The following SLC45A2 variants were observed in gnomAD, a reference collection of about 807,000 sequenced individuals.
The protein encoded by SLC45A2 is solute carrier family 45 member 2.
SLC45A2 carries 36 observed loss-of-function variants against 45.5 expected under a neutral mutation model. The ratio of observed to expected loss-of-function variants is 0.79; its 90% CI spans 0.61 to 1.04. The LOEUF is 1.04. Among genes scored for constraint, SLC45A2 ranks in the 50% least tolerant of loss-of-function variants. The probability of loss-of-function intolerance (pLI) is 0.00; values close to 1 mark genes in which losing one functional copy is unlikely to be tolerated. For missense variants in SLC45A2, 719 were observed against 671.0 expected, an observed-to-expected ratio of 1.07 and a Z score of -0.79; for synonymous variants, 306 against 269.3, an observed-to-expected ratio of 1.14 and a Z score of -1.33.
intron 5 of SLC45A2, among the ~76,000 whole-genome samples, chr5:33,948,701 A>G (rs1242350252): frequency 6.6e-6 from 1 of 152,238 alleles, no homozygotes; most frequent in African/African-American, 2.4e-5. Flanking sequence ...AAGCTAGAAC[A>G]GTTTCTGCTT....
chr5:33,970,398 G>A (rs1333999609), intron 2 of SLC45A2, among the ~76,000 whole-genome samples: 2 of 152,256 alleles, frequency 1.3e-5, no homozygotes, highest in African/African-American at 2.4e-5. Flanking sequence ...AGCCAGCTCT[G>A]TAATGCTTAT....
chr5:33,978,217 G>C (rs906104880), intron 2 of SLC45A2, among the ~76,000 whole-genome samples: 1 of 152,118 alleles, frequency 6.6e-6, no homozygotes, highest in African/African-American at 2.4e-5. Flanking sequence ...GAGATCTTAA[G>C]ACTGCCATAC....
At chr5:33,976,893 A>C (rs1752942631) in intron 2 of SLC45A2, among the ~76,000 whole-genome samples, 1 of 152,182 alleles carries the variant, frequency 6.6e-6, no homozygotes, top group Non-Finnish European at 1.5e-5. Context: ...CAGGAGCTGG[A>C]CTCAGCGGCA....
chr5:33,983,666 T>C (rs920403848), intron 1 of SLC45A2, among the ~76,000 whole-genome samples: 2 of 152,248 alleles, frequency 1.3e-5, no homozygotes, highest in Non-Finnish European at 2.9e-5. Flanking sequence ...AAAAAATGCC[T>C]ACCCTCAGGT....
rs1162827176 is a variant in SLC45A2, at chr5:33,970,594, G to GGTTT, written c.563-6582_563-6579dup. Reference sequence around the variant, plus strand: ...TGGTTGGTTGGTTGGTTGGTTGGTTGGTTTTACCCCTAGTCTACCACTAAC... The same window carrying GGTTT: ...TGGTTGGTTGGTTGGTTGGTTGGTTGGTTTGTTTTACCCCTAGTCTACCACTAAC... On this transcript the variant is annotated intron_variant, in intron 2 of 6. Transcript: ENST00000296589. 3.0e-3 allele frequency among the ~76,000 whole-genome samples: 458 copies of GGTTT among 151,998 alleles called. 2 individuals carry two copies. The highest frequency in any genetic ancestry group is 0.01 in the African/African-American group (430 of 41,346).
chr5:33,944,731 C>A lies in SLC45A2; in HGVS notation c.1510G>T (p.Val504Phe). The A allele has an allele frequency of 1.2e-6, 2 of 1,614,260 alleles. No individual in the cohort carries two copies. Among genetic ancestry groups the A allele is most frequent in the Non-Finnish European group, 1.7e-6 (2 of 1,180,044 alleles). ...LGFLVNTAGT[V>F]VVVVITASAV... The stretch of plus-strand genomic sequence containing the variant: ...GACGCTGTGATCACCACGACGACAA[C>A]GGTCCCGGCTGTGTTGACCAGAAAG... The change falls in exon 7 of 7, where the codon GTT (valine) becomes TTT (phenylalanine). Residue 504 changes from valine (V) to phenylalanine (F), a missense_variant. Coordinates refer to ENST00000296589, the MANE Select transcript of SLC45A2 (RefSeq NM_016180.5).
At chr5:33,951,787 C>G in intron 4 of SLC45A2, 110 bp from the exon 5 acceptor site, 1 of 1,339,122 alleles carries the variant, frequency 7.5e-7, no homozygotes, top group Non-Finnish European at 1.1e-6. Flanking sequence ...CCTGAGGGAC[C>G]CTTTCTAGAG....
At chr5:33,950,928 TGGAGTTA>T (rs981779541) in intron 5 of SLC45A2, among the ~76,000 whole-genome samples, 12 of 152,226 alleles carry the variant, frequency 7.9e-5, no homozygotes, top group Non-Finnish European at 1.5e-4. Context: ...TGCAATGCCC[TGGAGTTA>T]TAGCACAGCC....
At chr5:33,953,624 A>G (rs1249404836) in intron 4 of SLC45A2, among the ~76,000 whole-genome samples, 2 of 145,630 alleles carry the variant, frequency 1.4e-5, no homozygotes, top group Non-Finnish European at 3.0e-5. Context: ...TGTAAAGACC[A>G]TCGAGACTAG....
chr5:33,949,105 T>C (rs568530997), intron 5 of SLC45A2, among the ~76,000 whole-genome samples: 1 of 152,360 alleles, frequency 6.6e-6, no homozygotes, highest in African/African-American at 2.4e-5. Context: ...GTACTCAGTG[T>C]TGTTGTTCTA....
chr5:33,982,812 TA>T (rs1753118193), intron 1 of SLC45A2, among the ~76,000 whole-genome samples: 1 of 152,166 alleles, frequency 6.6e-6, no homozygotes, highest in African/African-American at 2.4e-5. Context: ...TCTCCTTAAA[TA>T]AAAAAGTATG....
At chr5:33,972,022 G>A (rs1418918733) in intron 2 of SLC45A2, 1 of 464,888 alleles carries the variant, frequency 2.2e-6, no homozygotes, top group East Asian at 6.7e-5. Context: ...GATTACAGGT[G>A]TGAGCCACCA....
intron 6 of SLC45A2, 87 bp downstream of exon 6, chr5:33,947,076 C>G: frequency 6.2e-7 from 1 of 1,613,532 alleles, no homozygotes; most frequent in Non-Finnish European, 8.5e-7. Flanking sequence ...TATTTTCCAG[C>G]TCTGCTCTAC....
chr5:33,982,172 G>A, intron 2 of SLC45A2, 64 bp downstream of exon 2: 1 of 1,577,060 alleles, frequency 6.3e-7, no homozygotes, highest in Non-Finnish European at 8.7e-7. Flanking sequence ...ACACTGGATG[G>A]CTTTAGTGGA....
intron 2 of SLC45A2, among the ~76,000 whole-genome samples, chr5:33,968,259 A>G (rs1752662881): frequency 6.6e-6 from 1 of 151,898 alleles, no homozygotes; most frequent in Non-Finnish European, 1.5e-5. Flanking sequence ...TCTCCCCAAC[A>G]AAACCTAATT....
At chr5:33,977,315 G>T (rs972736724) in intron 2 of SLC45A2, among the ~76,000 whole-genome samples, 5 of 152,160 alleles carry the variant, frequency 3.3e-5, no homozygotes, top group Non-Finnish European at 7.3e-5. Context: ...GACCATAAAG[G>T]CCCCAGGAGG....
intron 4 of SLC45A2, among the ~76,000 whole-genome samples, chr5:33,953,237 A>G: frequency 7.3e-6 from 1 of 136,966 alleles, no homozygotes; most frequent in African/African-American, 2.8e-5. Context: ...GTCAAATGGT[A>G]TTTCTAGTTC....
At chr5:33,980,711 G>GGA (rs893007668) in intron 2 of SLC45A2, among the ~76,000 whole-genome samples, 19 of 152,046 alleles carry the variant, frequency 1.2e-4, no homozygotes, top group Non-Finnish European at 1.8e-4. Context: ...AAAAAGAGAA[G>GGA]GAGAGAGAGA....
chr5:33,953,583 C>G (rs971946559), intron 4 of SLC45A2, among the ~76,000 whole-genome samples: 3 of 149,322 alleles, frequency 2.0e-5, no homozygotes, highest in African/African-American at 7.4e-5. Flanking sequence ...AAGGAACAAC[C>G]GGTACCAGCC....
Sources: allele counts gnomAD v4.1 joint callset (sites outside exome capture counted in the v4.1 genomes callset), GRCh38; gene constraint gnomAD v4.1.1; transcripts MANE v1.5; gene names NCBI Gene and HGNC (gene_info 2026-07-23, HGNC 2026-07-21).